Variants in JAKMIP3 observed in about 807,000 individuals in gnomAD.
JAKMIP3 encodes the protein janus kinase and microtubule-interacting protein 3.
Under a neutral mutation model 118.5 loss-of-function variants are expected in JAKMIP3, and 58 were observed. The ratio of observed to expected loss-of-function variants is 0.49; its 90% CI spans 0.40 to 0.61. The LOEUF is 0.61. JAKMIP3 is among the 20% of genes least tolerant of loss of function. The probability of loss-of-function intolerance (pLI) is 0.00; values close to 1 mark genes in which losing one functional copy is unlikely to be tolerated. For synonymous variants in JAKMIP3, 486 were observed against 451.2 expected, an observed-to-expected ratio of 1.08 and a Z score of -0.98; for missense variants, 950 against 1,109.0, an observed-to-expected ratio of 0.86 and a Z score of 2.04.
Position 132,099,423 on chromosome 10 carries a change from G to A in JAKMIP3, c.-137-5249G>A, listed in dbSNP as rs150246644. On this transcript the variant is annotated intron_variant, in intron 1 of 23. Transcript: ENST00000684848. ...GTTTTATTACCTCCTCAGAGACCCCGAAATAAAAGATAGGCAATCTGCACT... is the reference window on the plus strand; with the variant it reads ...GTTTTATTACCTCCTCAGAGACCCCAAAATAAAAGATAGGCAATCTGCACT... Among the ~76,000 whole-genome samples, 497 of 152,222 alleles carry A rather than the reference G, an allele frequency of 3.3e-3. 1 individual carries two copies. The highest frequency in any genetic ancestry group is 0.011 in the African/African-American group (473 of 41,524).
chr10:132,169,544 T>C (rs891862886), intron 23 of JAKMIP3, among the ~76,000 whole-genome samples: 1 of 151,940 alleles, frequency 6.6e-6, no homozygotes, highest in African/African-American at 2.4e-5. Flanking sequence ...CGGGGTTCCC[T>C]ATGGGAGGGT....
chr10:132,163,571 C>A lies in JAKMIP3; in HGVS notation c.2424+159C>A, dbSNP rs148520972. 6.8e-3 allele frequency among the ~76,000 whole-genome samples: 1,040 copies of A among 152,312 alleles called. 11 individuals carry two copies. Among genetic ancestry groups the A allele is most frequent in the African/African-American group, 0.024 (981 of 41,576 alleles). On this transcript the variant is annotated intron_variant, in intron 20 of 23. Transcript: ENST00000684848. ...CATAACACACACTCTGATGGCTACA[C>A]CCTGATGGCCATGCCCCCAAACCGT...
chr10:132,139,064 G>GTGTGTGTA (rs2052532855), intron 9 of JAKMIP3, among the ~76,000 whole-genome samples: 1 of 151,132 alleles, frequency 6.6e-6, no homozygotes, highest in African/African-American at 2.4e-5. Context: ...GTGTGTGTGT[G>GTGTGTGTA]TGTGTATGTG....
intron 1 of JAKMIP3, among the ~76,000 whole-genome samples, chr10:132,071,780 T>C (rs932881248): frequency 6.6e-6 from 1 of 151,946 alleles, no homozygotes; most frequent in African/African-American, 2.4e-5. Flanking sequence ...TTCTTTTTTC[T>C]TTCTTTCCTT....
At chr10:132,061,969 A>G (rs1165260621), upstream of JAKMIP3, among the ~76,000 whole-genome samples, 2 of 152,148 alleles carry the variant, frequency 1.3e-5, no homozygotes, top group African/African-American at 2.4e-5. Context: ...CCGAGGCTTC[A>G]CCAACACCGG....
chr10:132,092,635 TC>T (rs1389009371), intron 1 of JAKMIP3, among the ~76,000 whole-genome samples: 1 of 152,220 alleles, frequency 6.6e-6, no homozygotes, highest in East Asian at 1.9e-4. Context: ...TTTAAGGACT[TC>T]TCTACATTGG....
chr10:132,140,127 G>T (rs80121544), intron 9 of JAKMIP3, among the ~76,000 whole-genome samples: 2 of 152,210 alleles, frequency 1.3e-5, no homozygotes, highest in Non-Finnish European at 2.9e-5. Flanking sequence ...GGCACCCATC[G>T]TCGGTTCTGT....
chr10:132,087,594 G>A (rs111355842), intron 1 of JAKMIP3, among the ~76,000 whole-genome samples: 12 of 151,620 alleles, frequency 7.9e-5, no homozygotes, highest in African/African-American at 2.7e-4. Context: ...GGGTTAACTC[G>A]AAAACCTTAT....
At chr10:132,111,168 C>T (rs1164659763) in intron 2 of JAKMIP3, among the ~76,000 whole-genome samples, 1 of 152,218 alleles carries the variant, frequency 6.6e-6, no homozygotes, top group African/African-American at 2.4e-5. Flanking sequence ...AGGTGGGAGA[C>T]GCCATGGAAG....
intron 1 of JAKMIP3, among the ~76,000 whole-genome samples, chr10:132,052,794 T>A (rs1339453442): frequency 6.6e-6 from 1 of 152,206 alleles, no homozygotes; most frequent in Non-Finnish European, 1.5e-5. Flanking sequence ...TTCAAGCTTG[T>A]AACTTATTTC....
At chr10:132,122,186 T>G (rs1303951299) in intron 3 of JAKMIP3, among the ~76,000 whole-genome samples, 1 of 152,078 alleles carries the variant, frequency 6.6e-6, no homozygotes, top group Non-Finnish European at 1.5e-5. Flanking sequence ...GCCCCCCTGG[T>G]CGGCTCCCCG....
intron 3 of JAKMIP3, among the ~76,000 whole-genome samples, chr10:132,128,058 T>C (rs1589881853): frequency 6.6e-6 from 1 of 152,242 alleles, no homozygotes; most frequent in Non-Finnish European, 1.5e-5. Flanking sequence ...TCTTTTCCCT[T>C]CGGCCTGAAA....
chr10:132,106,928 G>C (rs1035263646), intron 2 of JAKMIP3, among the ~76,000 whole-genome samples: 1 of 152,116 alleles, frequency 6.6e-6, no homozygotes, highest in Non-Finnish European at 1.5e-5. Context: ...CTGTCACCCT[G>C]TCTGGAGTGC....
chr10:132,166,937 T>TC (rs1491457518), intron 21 of JAKMIP3, 46 bp from the exon 22 acceptor site: 1 of 1,371,060 alleles, frequency 7.3e-7, no homozygotes, highest in African/African-American at 1.5e-5. Flanking sequence ...AACTCTTTTT[T>TC]CTCTTTCTTT....
chr10:132,069,529 G>A (rs2039481493), intron 1 of JAKMIP3, among the ~76,000 whole-genome samples: 1 of 152,064 alleles, frequency 6.6e-6, no homozygotes, highest in Admixed American at 6.5e-5. Context: ...GTTAGGACTT[G>A]GGCTGAAGCT....
intron 8 of JAKMIP3, among the ~76,000 whole-genome samples, chr10:132,137,662 G>T (rs1215878478): frequency 1.3e-5 from 2 of 152,208 alleles, no homozygotes; most frequent in Non-Finnish European, 2.9e-5. Flanking sequence ...CACCATCACG[G>T]CCATGAAACC....
intron 1 of JAKMIP3, among the ~76,000 whole-genome samples, chr10:132,091,729 T>G (rs2043119261): frequency 6.6e-6 from 1 of 152,236 alleles, no homozygotes; most frequent in African/African-American, 2.4e-5. Flanking sequence ...TTATCCAATT[T>G]ACCAGTCTGT....
intron 19 of JAKMIP3, among the ~76,000 whole-genome samples, chr10:132,158,088 C>T (rs1398751220): frequency 1.4e-5 from 2 of 145,050 alleles, no homozygotes; most frequent in Non-Finnish European, 1.5e-5. Context: ...CCCGCCCCGC[C>T]CCGCCCCGCC....
At position 132,149,976 on chromosome 10, in the gene JAKMIP3, C is replaced by T; in HGVS notation, c.1948-6C>T. The T allele has an allele frequency of 2.6e-6, 4 of 1,523,722 alleles. No individual in the cohort carries two copies. Among genetic ancestry groups the T allele is most frequent in the Non-Finnish European group, 2.6e-6 (3 of 1,136,522 alleles). 94.4% of individuals were successfully genotyped at this position (1,523,722 alleles called of 1,614,324 possible). On this transcript the variant is annotated splice_polypyrimidine_tract_variant and splice_region_variant and intron_variant, in intron 15 of 23. Coordinates refer to ENST00000684848, the MANE Select transcript of JAKMIP3 (RefSeq NM_001323087.2). ...CACTCACCCCTACCTGTCCTCTGTG[C>T]CTTAGGACATTGTGGTTGCGGAGCT... is the stretch of plus-strand genomic sequence containing the variant.
Sources: gnomAD v4.1 joint callset for allele counts (sites outside exome capture counted in the v4.1 genomes callset) on GRCh38, gnomAD v4.1.1 for gene constraint, MANE v1.5 for transcripts, NCBI Gene and HGNC (gene_info 2026-07-23, HGNC 2026-07-21) for gene names.